Variants in SIMC1 observed in about 807,000 individuals in gnomAD.
SIMC1 encodes SUMO interacting motifs containing 1, also known as SUMO-interacting motif-containing protein 1.
In SIMC1, 55 loss-of-function variants were observed where a neutral mutation model predicts 82.3. The ratio of observed to expected loss-of-function variants is 0.67; its 90% CI spans 0.54 to 0.84. The LOEUF is 0.84. SIMC1 is among the 40% of genes least tolerant of loss of function. The pLI is 0.00. For synonymous variants in SIMC1, 353 were observed against 426.3 expected, an observed-to-expected ratio of 0.83 and a Z score of 2.12; for missense variants, 915 against 1,107.2, an observed-to-expected ratio of 0.83 and a Z score of 2.46.
intron 5 of SIMC1, among the ~76,000 whole-genome samples, chr5:176,320,390 G>T (rs1765110133): frequency 6.6e-6 from 1 of 151,124 alleles, no homozygotes; most frequent in Non-Finnish European, 1.5e-5. Flanking sequence ...TTTTGAGGCG[G>T]AGTCTCACTC....
intron 1 of SIMC1, among the ~76,000 whole-genome samples, chr5:176,272,827 T>G (rs1762505505): frequency 6.6e-6 from 1 of 152,186 alleles, no homozygotes; most frequent in Non-Finnish European, 1.5e-5. Flanking sequence ...CCATGGAGCC[T>G]CGTTCATTGC....
intron 3 of SIMC1, 171 bp from the exon 4 acceptor site, chr5:176,296,080 A>G (rs1203211178): frequency 8.0e-7 from 1 of 1,245,628 alleles, no homozygotes. Flanking sequence ...GTAGCAAAAA[A>G]CAATGAAGTT....
chr5:176,334,399 T>C (rs776197057), intron 7 of SIMC1, among the ~76,000 whole-genome samples: 1 of 152,184 alleles, frequency 6.6e-6, no homozygotes, highest in Non-Finnish European at 1.5e-5. Context: ...GCTACATTCT[T>C]GAGGCTTAAT....
intron 1 of SIMC1, among the ~76,000 whole-genome samples, chr5:176,261,452 G>T (rs964311104): frequency 6.6e-6 from 1 of 152,126 alleles, no homozygotes; most frequent in African/African-American, 2.4e-5. Context: ...GTTATAAAAG[G>T]TGTATGATGG....
intron 5 of SIMC1, among the ~76,000 whole-genome samples, chr5:176,318,341 A>G (rs896387218): frequency 2.6e-5 from 4 of 152,178 alleles, no homozygotes; most frequent in Non-Finnish European, 5.9e-5. Context: ...ATTCAACATG[A>G]ATTGGCCTTA....
intron 4 of SIMC1, chr5:176,296,606 C>T (rs2113284804): frequency 2.5e-6 from 1 of 406,752 alleles, no homozygotes; most frequent in East Asian, 4.9e-5. Context: ...GAGGTCAAGG[C>T]TATAGTGATC....
chr5:176,305,979 A>C (rs1581283938), intron 4 of SIMC1, among the ~76,000 whole-genome samples: 1 of 51,638 alleles, frequency 1.9e-5, no homozygotes, highest in Admixed American at 1.7e-4. Flanking sequence ...TCCGGGAGGG[A>C]GGTGGGGGGG....
rs1459211824 is a variant in SIMC1 at position 176,290,285 on chromosome 5, T to C, written c.761T>C (p.Met254Thr). 3 of 1,612,382 alleles carry C rather than the reference T, an allele frequency of 1.9e-6. No individual in the cohort carries two copies. Among genetic ancestry groups the C allele is most frequent in the East Asian group, 2.2e-5 (1 of 44,774 alleles). ...GCCTTGTCATGCCCATCACAAACCATGCAGTGCCAACTACCAGCTCTAACT... is the reference window on the plus strand; with the variant it reads ...GCCTTGTCATGCCCATCACAAACCACGCAGTGCCAACTACCAGCTCTAACT... Reference protein sequence around the residue: ...PRALSCPSQTMQCQLPALTHP... With the variant: ...PRALSCPSQTTQCQLPALTHP... The change falls in exon 2 of 10, where the codon ATG becomes ACG. Residue 254 changes from methionine to threonine, a missense_variant. Coordinates refer to ENST00000429602, the MANE Select transcript of SIMC1 (RefSeq NM_001308195.2).
At chr5:176,323,338 A>G (rs559531458) in intron 6 of SIMC1, among the ~76,000 whole-genome samples, 1 of 152,344 alleles carries the variant, frequency 6.6e-6, no homozygotes, top group East Asian at 1.9e-4. Context: ...AGCTAGTATC[A>G]TATAACAATC....
At chr5:176,246,448 GTTGT>G (rs1329045778) in intron 1 of SIMC1, among the ~76,000 whole-genome samples, 6 of 134,858 alleles carry the variant, frequency 4.4e-5, no homozygotes, top group Admixed American at 7.3e-5. Flanking sequence ...GTGTGTGTGT[GTTGT>G]TTGTTTGTTT....
intron 7 of SIMC1, among the ~76,000 whole-genome samples, chr5:176,329,961 A>G (rs915028796): frequency 7.9e-5 from 12 of 152,188 alleles, no homozygotes; most frequent in Admixed American, 5.9e-4. Flanking sequence ...TTGTTTACAT[A>G]TATTATATAT....
intron 7 of SIMC1, among the ~76,000 whole-genome samples, chr5:176,329,909 TAATA>T (rs1284953668): frequency 6.6e-6 from 1 of 152,224 alleles, no homozygotes; most frequent in Non-Finnish European, 1.5e-5. Context: ...TTGTGGTTTC[TAATA>T]AATATAGAGA....
At chr5:176,336,091 A>AGG (rs1355951713) in intron 7 of SIMC1, among the ~76,000 whole-genome samples, 2 of 149,064 alleles carry the variant, frequency 1.3e-5, no homozygotes, top group African/African-American at 5.0e-5. Context: ...GGAGGCAGGG[A>AGG]GGGGGAGAGA....
chr5:176,274,963 C>T (rs959083688), intron 1 of SIMC1, among the ~76,000 whole-genome samples: 5 of 151,820 alleles, frequency 3.3e-5, no homozygotes, highest in African/African-American at 1.2e-4. Context: ...GATGTGGGCT[C>T]TTTTTTGGTT....
At chr5:176,333,820 A>T (rs1183950646) in intron 7 of SIMC1, among the ~76,000 whole-genome samples, 1 of 152,066 alleles carries the variant, frequency 6.6e-6, no homozygotes, top group East Asian at 1.9e-4. Flanking sequence ...TCCACAGATC[A>T]CTGAGGCTCT....
chr5:176,304,982 C>A, intron 4 of SIMC1, among the ~76,000 whole-genome samples: 1 of 128,168 alleles, frequency 7.8e-6, no homozygotes. Context: ...AGGAGCCCCT[C>A]CGCCCGGCAG....
intron 1 of SIMC1, among the ~76,000 whole-genome samples, chr5:176,257,241 C>T (rs1418813713): frequency 6.6e-6 from 1 of 151,858 alleles, no homozygotes; most frequent in South Asian, 2.1e-4. Flanking sequence ...TAAAGAAATC[C>T]CTGAGAATAC....
chr5:176,305,132 CAGGAG>C (rs1297239403), intron 4 of SIMC1, among the ~76,000 whole-genome samples: 87 of 36,780 alleles, frequency 2.4e-3, no homozygotes, highest in African/African-American at 7.4e-3. Flanking sequence ...CCGTGCCATC[CAGGAG>C]GGGGGGGGGG....
At chr5:176,311,866 G>A (rs181499283) in intron 4 of SIMC1, among the ~76,000 whole-genome samples, 8 of 152,294 alleles carry the variant, frequency 5.3e-5, no homozygotes, top group Non-Finnish European at 7.4e-5. Flanking sequence ...TAGCCTTGAC[G>A]ATGTAAAACG....
Sources: gnomAD v4.1 joint callset for allele counts (sites outside exome capture counted in the v4.1 genomes callset) on GRCh38, gnomAD v4.1.1 for gene constraint, MANE v1.5 for transcripts, NCBI Gene and HGNC (gene_info 2026-07-23, HGNC 2026-07-21) for gene names.